Variants in CFAP99 observed in about 807,000 individuals in gnomAD.
The protein encoded by CFAP99 is cilia- and flagella-associated protein 99.
In CFAP99, 84 loss-of-function variants were observed where a neutral mutation model predicts 82.7. The ratio of observed to expected loss-of-function variants is 1.02; its 90% CI spans 0.85 to 1.22. CFAP99 has a LOEUF of 1.22. CFAP99 is among the 50% of genes most tolerant of loss of function. CFAP99 has a pLI of 0.00. For missense variants in CFAP99, 1,059 were observed against 983.5 expected (o/e 1.08, Z -1.03); for synonymous variants, 456 against 429.5 (o/e 1.06, Z -0.76).
exon 6 of CFAP99, chr4:2,445,193 C>G: frequency 6.9e-7 from 1 of 1,447,918 alleles, no homozygotes; most frequent in Non-Finnish European, 9.1e-7. Context: ...AGTCAATCCT[C>G]TCCTTTAAAG....
At position 2,439,847 on chromosome 4, in the gene CFAP99, A is replaced by AT. The variant is rs113019313; in HGVS notation, c.351+1697dup. Among the ~76,000 whole-genome samples the AT allele has an allele frequency of 6.3e-3, 904 of 144,252 alleles. 4 individuals are homozygous for AT. The highest frequency in any genetic ancestry group is 6.1e-3 in the Non-Finnish European group (398 of 65,332). 94.6% of individuals were successfully genotyped at this position (144,252 alleles called of 152,430 possible). A position where few individuals can be genotyped will look rare whatever the true frequency, so the allele number is the denominator to read the frequency against. Reference sequence around the variant, plus strand: ...TCTGCTCTTCTATTACTATCTTGACATTTTTTTTTTTTTTAAGACGGGGTC... The same window carrying AT: ...TCTGCTCTTCTATTACTATCTTGACATTTTTTTTTTTTTTTAAGACGGGGTC... On this transcript the variant is annotated intron_variant, in intron 4 of 14. Transcript: ENST00000635017.
chr4:2,462,528 G>C lies in CFAP99; in HGVS notation c.1747G>C (p.Glu583Gln), dbSNP rs749824927. 1.6e-5 allele frequency: 24 copies of C among 1,475,182 alleles called. No homozygotes were observed. In the South Asian group the frequency reaches 1.8e-4, roughly 11 times the overall value. 91.4% of individuals were successfully genotyped at this position (1,475,182 alleles called of 1,614,324 possible). The change falls in exon 15 of 15, where the codon GAG (glutamate) becomes CAG (glutamine). Residue 583 changes from glutamate to glutamine, a missense_variant. Coordinates refer to ENST00000635017, the Ensembl canonical transcript of CFAP99. This position sits in a 1 kb window ranked among gnomAD's most constrained non-coding sequence, Gnocchi z 4.1. ...GCAGCAGCTGCGGCGCAGGATCTCGGAGAGGGCGGCCGAGCGCAGCAGGCA... is the reference window on the plus strand; with the variant it reads ...GCAGCAGCTGCGGCGCAGGATCTCGCAGAGGGCGGCCGAGCGCAGCAGGCA...
rs921029309 is a variant in CFAP99, at chr4:2,462,704, A to C, written c.1923A>C (p.Gly641=). 1 of 1,252,246 alleles carries C rather than the reference A, an allele frequency of 8.0e-7. No homozygotes were observed. Among genetic ancestry groups the C allele is most frequent in the East Asian group, 3.3e-5 (1 of 29,994 alleles). The allele number at this position is 1,252,246 out of a possible 1,614,324, so 77.6% of individuals were successfully genotyped here. A position where few individuals can be genotyped will look rare whatever the true frequency, so the allele number is the denominator to read the frequency against. ...CAGGGACCGGCGTCCCGGGGCGGGGATGGCGGGGAGATCGGGTCCGGTCCG... is the reference window on the plus strand; with the variant it reads ...CAGGGACCGGCGTCCCGGGGCGGGGCTGGCGGGGAGATCGGGTCCGGTCCG... Residue 641 remains glycine, a synonymous_variant, in exon 15 of 15, where the codon GGA becomes GGC. Transcript: ENST00000635017. The surrounding 1 kb of genome is among the most constrained non-coding windows in gnomAD (Gnocchi z 4.1).
intron 2 of CFAP99, among the ~76,000 whole-genome samples, chr4:2,433,430 G>A (rs971957189): frequency 2.6e-5 from 4 of 151,354 alleles, no homozygotes; most frequent in African/African-American, 9.8e-5. Flanking sequence ...CACGGGGCGG[G>A]GGGGGGACCA....
At chr4:2,450,575 C>T (rs941694974) in intron 8 of CFAP99, among the ~76,000 whole-genome samples, 5 of 152,138 alleles carry the variant, frequency 3.3e-5, no homozygotes, top group South Asian at 2.1e-4. Flanking sequence ...AAGCAGCTGG[C>T]GGCTGGGCCG....
At chr4:2,426,973 G>T (rs755539914) in intron 2 of CFAP99, 3 of 246,944 alleles carry the variant, frequency 1.2e-5, no homozygotes, top group Non-Finnish European at 2.4e-5. Context: ...GTGAGGGTGC[G>T]CAAGGCCACA....
intron 2 of CFAP99, among the ~76,000 whole-genome samples, chr4:2,431,074 A>T (rs1733790960): frequency 6.6e-6 from 1 of 150,878 alleles, no homozygotes; most frequent in East Asian, 1.9e-4. Context: ...CCTGGCTCTT[A>T]AAAAAAAATG....
rs543369268 is a variant in CFAP99, at chr4:2,446,935, G to A, written c.642+1627G>A. Among the ~76,000 whole-genome samples, 5 of 152,160 alleles carry A rather than the reference G, an allele frequency of 3.3e-5. No individual in the cohort carries two copies. The highest frequency in any genetic ancestry group is 6.6e-5 in the Admixed American group (1 of 15,266). On this transcript the variant is annotated intron_variant, in intron 6 of 14. Coordinates refer to ENST00000635017, the Ensembl canonical transcript of CFAP99. The surrounding 1 kb of genome is among the most constrained non-coding windows in gnomAD (Gnocchi z 5.0). ...TGGATGGGTATGTGGGTAAGTGGGT[G>A]GATGGATGTCAAATGGATGAAGAGA... is the stretch of plus-strand genomic sequence containing the variant.
intron 11 of CFAP99, among the ~76,000 whole-genome samples, chr4:2,454,581 C>CTTTTTTTTTTGTTTTTTTTT (rs1734378400): frequency 1.1e-5 from 1 of 94,722 alleles, no homozygotes; most frequent in Non-Finnish European, 2.1e-5. Context: ...TGTTTTTTTT[C>CTTTTTTTTTTGTTTTTTTTT]TTTTTTTTTT....
rs1301541063 is a variant in CFAP99, at chr4:2,446,365, GTTGTTATTA to G, written c.642+1060_642+1068del. On this transcript the variant is annotated intron_variant, in intron 6 of 14. Coordinates refer to ENST00000635017, the Ensembl canonical transcript of CFAP99. The surrounding 1 kb of genome is among the most constrained non-coding windows in gnomAD (Gnocchi z 5.0). ...TCTCTTTTTATTTCATTTTATTATT[GTTGTTATTA>G]TTATTATTATTATTATTATTATTAT... Among the ~76,000 whole-genome samples the G allele has an allele frequency of 2.4e-4, 35 of 144,992 alleles. No homozygotes were observed. Among genetic ancestry groups the G allele is most frequent in the African/African-American group, 8.9e-4 (34 of 38,242 alleles).
At chr4:2,445,174 G>C in exon 6 of CFAP99, 1 of 1,415,192 alleles carries the variant, frequency 7.1e-7, no homozygotes, top group South Asian at 1.6e-5. Flanking sequence ...CCTGGAGGGC[G>C]TGTCTGCCAG....
exon 10 of CFAP99, chr4:2,451,305 G>A: frequency 6.5e-7 from 1 of 1,536,056 alleles, no homozygotes. Flanking sequence ...CAGCCATCCT[G>A]CGAGAAGGGG....
At chr4:2,459,776 T>C (rs1275695818) in intron 13 of CFAP99, among the ~76,000 whole-genome samples, 1 of 152,176 alleles carries the variant, frequency 6.6e-6, no homozygotes, top group Non-Finnish European at 1.5e-5. Flanking sequence ...GAAGCCTGGC[T>C]GGGGAGATAG....
chr4:2,460,385 C>T, intron 14 of CFAP99, 143 bp downstream of exon 14: 1 of 711,372 alleles, frequency 1.4e-6, no homozygotes, highest in East Asian at 2.7e-5. Flanking sequence ...TCCCCTGACC[C>T]CTATTATTGT....
Position 2,426,599 on chromosome 4 carries a change from G to A in CFAP99, c.111+13G>A. 6.6e-7 allele frequency: 1 copy of A among 1,514,146 alleles called. No individual in the cohort carries two copies. Among genetic ancestry groups the A allele is most frequent in the South Asian group, 1.2e-5 (1 of 83,660 alleles). The allele number at this position is 1,514,146 out of a possible 1,614,324, so 93.8% of individuals were successfully genotyped here. A position where few individuals can be genotyped will look rare whatever the true frequency, so the allele number is the denominator to read the frequency against. On this transcript the variant is annotated intron_variant, in intron 2 of 14. Coordinates refer to ENST00000635017, the Ensembl canonical transcript of CFAP99. ...CACCTCCCTGCAGGTAGGATCTGCT[G>A]GGGGCTGCTGGGAGGCCACGCCAAT...
At chr4:2,461,493 G>A (rs1163167857) in intron 14 of CFAP99, among the ~76,000 whole-genome samples, 1 of 152,216 alleles carries the variant, frequency 6.6e-6, no homozygotes, top group Non-Finnish European at 1.5e-5. Context: ...TGCTGGTGCT[G>A]TACAGGGCGG....
intron 8 of CFAP99, 26 bp from the exon 9 acceptor site, chr4:2,450,920 CG>C (rs1734284308): frequency 6.5e-7 from 1 of 1,533,064 alleles, no homozygotes; most frequent in South Asian, 1.2e-5. Context: ...AGGTGCCAGG[CG>C]GCCAGCTCTG....
At position 2,459,211 on chromosome 4, in the gene CFAP99, C is replaced by T. The variant is rs752682168; in HGVS notation, c.1408C>T (p.Leu470Phe). ...TGAACTCATCTCCCAGCTGCGCGCA[C>T]TCGAGACACAGCCCACGCGCAAGGG... Residue 470 changes from leucine (L) to phenylalanine (F), a missense_variant, in exon 13 of 15, where the codon CTC becomes TTC. Leu to Phe is a conservative substitution (Grantham distance 22, BLOSUM62 0). Transcript: ENST00000635017. 3.3e-6 allele frequency: 5 copies of T among 1,535,706 alleles called. No individual in the cohort carries two copies. The South Asian group carries it at 3.6e-5, about 11-fold the overall frequency.
intron 14 of CFAP99, among the ~76,000 whole-genome samples, chr4:2,460,954 G>A (rs1283435179): frequency 6.6e-6 from 1 of 152,168 alleles, no homozygotes; most frequent in East Asian, 1.9e-4. Context: ...GGCCAAGATG[G>A]TCTCGAACTC....
Sources: allele counts gnomAD v4.1 joint callset (sites outside exome capture counted in the v4.1 genomes callset), GRCh38; gene constraint gnomAD v4.1.1; non-coding constraint Gnocchi (gnomAD v3.1); transcripts MANE v1.5; gene names NCBI Gene and HGNC (gene_info 2026-07-23, HGNC 2026-07-21).